Variants in PRR5L observed in about 807,000 individuals in gnomAD.
PRR5L encodes proline rich 5 like, also known as proline-rich protein 5-like.
In PRR5L, 21 loss-of-function variants were observed where a neutral mutation model predicts 36.4. That is an observed-to-expected ratio of 0.58 (90% CI 0.41 to 0.83). The LOEUF (loss-of-function observed/expected upper bound fraction) is 0.83. PRR5L is among the 40% of genes least tolerant of loss of function. PRR5L has a pLI of 0.00. For missense variants in PRR5L, 381 were observed against 473.3 expected (o/e 0.80, Z 1.81); for synonymous variants, 188 against 197.0 (o/e 0.95, Z 0.38).
At chr11:36,325,073 G>T (rs1420017685) in intron 1 of PRR5L, among the ~76,000 whole-genome samples, 1 of 152,178 alleles carries the variant, frequency 6.6e-6, no homozygotes. Context: ...CAAGCCTCGT[G>T]TTCTCTGACC....
At chr11:36,300,260 G>T (rs1054505465) in intron 1 of PRR5L, among the ~76,000 whole-genome samples, 10 of 152,124 alleles carry the variant, frequency 6.6e-5, no homozygotes, top group African/African-American at 2.2e-4. Context: ...TTTTGGTGAG[G>T]CCTCAGGGAG....
intron 1 of PRR5L, among the ~76,000 whole-genome samples, chr11:36,361,334 AC>A (rs1158952236): frequency 6.6e-6 from 1 of 152,134 alleles, no homozygotes; most frequent in African/African-American, 2.4e-5. Context: ...TGCTATATAT[AC>A]CTTTTGCTTT....
intron 1 of PRR5L, among the ~76,000 whole-genome samples, chr11:36,297,043 C>G (rs1312242625): frequency 6.6e-6 from 1 of 152,200 alleles, no homozygotes; most frequent in Admixed American, 6.5e-5. Flanking sequence ...AGCATTCTAA[C>G]TGTTTTGCAG....
chr11:36,420,878 C>CAT (rs61547400), intron 4 of PRR5L, among the ~76,000 whole-genome samples: 1 of 150,232 alleles, frequency 6.7e-6, no homozygotes, highest in Non-Finnish European at 1.5e-5. Context: ...CACACACACA[C>CAT]GGACAGCTCC....
At chr11:36,349,034 C>T (rs908336681) in intron 1 of PRR5L, among the ~76,000 whole-genome samples, 1 of 152,078 alleles carries the variant, frequency 6.6e-6, no homozygotes, top group Admixed American at 6.6e-5. Flanking sequence ...CCTGTAATCC[C>T]ATCACTTTGG....
At chr11:36,343,248 CA>C (rs1342935627) in intron 1 of PRR5L, among the ~76,000 whole-genome samples, 3 of 152,118 alleles carry the variant, frequency 2.0e-5, no homozygotes, top group Non-Finnish European at 4.4e-5. Flanking sequence ...AATTCTAGTT[CA>C]ACATCTGTAA....
intron 3 of PRR5L, among the ~76,000 whole-genome samples, chr11:36,408,473 C>T (rs1007496873): frequency 2.0e-5 from 3 of 152,144 alleles, no homozygotes; most frequent in Non-Finnish European, 1.5e-5. Context: ...TCAGAATAGA[C>T]GTATTCTAGC....
chr11:36,438,505 C>T (rs532514440), intron 6 of PRR5L, among the ~76,000 whole-genome samples: 122 of 152,260 alleles, frequency 8.0e-4, no homozygotes, highest in Non-Finnish European at 7.9e-4. Flanking sequence ...CCATGTTAGA[C>T]CCACCCCATA....
intron 1 of PRR5L, among the ~76,000 whole-genome samples, chr11:36,318,441 C>T (rs1856580158): frequency 1.3e-5 from 2 of 149,748 alleles, no homozygotes; most frequent in South Asian, 4.4e-4. Flanking sequence ...TTCCTTCCAA[C>T]CCTGAAACTT....
chr11:36,445,237 T>C (rs1858803702), intron 6 of PRR5L, among the ~76,000 whole-genome samples: 1 of 152,206 alleles, frequency 6.6e-6, no homozygotes, highest in East Asian at 1.9e-4. Context: ...ACCCTAATGA[T>C]GTCTTTGGTT....
intron 8 of PRR5L, among the ~76,000 whole-genome samples, chr11:36,454,359 G>C (rs541363983): frequency 6.6e-6 from 1 of 152,276 alleles, no homozygotes; most frequent in East Asian, 1.9e-4. Context: ...CTGCTTTCCA[G>C]ATAAAGAGAG....
At chr11:36,403,450 A>T in intron 3 of PRR5L, 72 bp downstream of exon 3, 12 of 1,053,954 alleles carry the variant, frequency 1.1e-5, no homozygotes, top group Non-Finnish European at 1.6e-5. Flanking sequence ...CTACCGCCTT[A>T]GGAGCCTTAA....
chr11:36,312,123 G>C (rs1036228339), intron 1 of PRR5L, among the ~76,000 whole-genome samples: 1 of 152,160 alleles, frequency 6.6e-6, no homozygotes, highest in African/African-American at 2.4e-5. Context: ...GTGGGAGCGT[G>C]GGTGGCAGAG....
intron 1 of PRR5L, among the ~76,000 whole-genome samples, chr11:36,312,192 C>T (rs1034326705): frequency 2.6e-5 from 4 of 152,000 alleles, no homozygotes; most frequent in Non-Finnish European, 5.9e-5. Flanking sequence ...CTGTATCTAC[C>T]TAGACATGTA....
At chr11:36,300,783 G>C (rs1856367412) in intron 1 of PRR5L, among the ~76,000 whole-genome samples, 1 of 152,210 alleles carries the variant, frequency 6.6e-6, no homozygotes, top group Non-Finnish European at 1.5e-5. Flanking sequence ...TTCAGAGGCT[G>C]CCTGCCAAGG....
chr11:36,417,220 T>C lies in PRR5L; in HGVS notation c.246-2035T>C, dbSNP rs1425938. Among the ~76,000 whole-genome samples the C allele has an allele frequency of 6.8e-3, 1,036 of 152,288 alleles. 31 individuals carry two copies. Among genetic ancestry groups the C allele is most frequent in the East Asian group, 0.049 (252 of 5,170 alleles). On this transcript the variant is annotated intron_variant, in intron 3 of 8. Coordinates refer to ENST00000530639, the MANE Select transcript of PRR5L (RefSeq NM_001160167.2). The stretch of plus-strand genomic sequence containing the variant: ...CTAAGTAGCCTATCAGTAGGACTTG[T>C]TTTTCCACTTGTGCGCAAAGCTTGG...
chr11:36,409,804 C>T (rs549091280), intron 3 of PRR5L, among the ~76,000 whole-genome samples: 1 of 152,346 alleles, frequency 6.6e-6, no homozygotes, highest in East Asian at 1.9e-4. Context: ...TACTGTATCC[C>T]TGTCTTACAA....
intron 1 of PRR5L, among the ~76,000 whole-genome samples, chr11:36,395,135 C>T (rs1343313731): frequency 2.6e-5 from 4 of 152,130 alleles, no homozygotes; most frequent in Non-Finnish European, 5.9e-5. Context: ...CATGTCATCC[C>T]GAAGACCCAC....
chr11:36,320,999 GTTC>G (rs1403149799), intron 1 of PRR5L, among the ~76,000 whole-genome samples: 1 of 152,120 alleles, frequency 6.6e-6, no homozygotes, highest in Non-Finnish European at 1.5e-5. Flanking sequence ...ATTTTTTACA[GTTC>G]TTATTATGGA....
Sources: allele counts gnomAD v4.1 joint callset (sites outside exome capture counted in the v4.1 genomes callset), GRCh38; gene constraint gnomAD v4.1.1; transcripts MANE v1.5; gene names NCBI Gene and HGNC (gene_info 2026-07-23, HGNC 2026-07-21).